TDRD7: variants seen among roughly 807,000 people sequenced by gnomAD.
The protein encoded by TDRD7 is tudor domain-containing protein 7.
In TDRD7, 47 loss-of-function variants were observed where a neutral mutation model predicts 109.8. The ratio of observed to expected loss-of-function variants is 0.43; its 90% confidence interval spans 0.34 to 0.55. The LOEUF is 0.55. Among genes scored for constraint, TDRD7 ranks in the 20% least tolerant of loss-of-function variants. TDRD7 has a pLI of 0.03. For missense variants in TDRD7, 1,164 were observed against 1,319.2 expected, an observed-to-expected ratio of 0.88 and a Z score of 1.82; for synonymous variants, 424 against 457.3, an observed-to-expected ratio of 0.93 and a Z score of 0.93.
At chr9:97,491,448 C>T (rs1829307135) in intron 16 of TDRD7, among the ~76,000 whole-genome samples, 1 of 152,188 alleles carries the variant, frequency 6.6e-6, no homozygotes, top group African/African-American at 2.4e-5. Context: ...CCTTCCATAT[C>T]ACTTGTAGTT....
chr9:97,460,093 T>C, intron 6 of TDRD7, 85 bp from the exon 7 acceptor site: 3 of 1,179,938 alleles, frequency 2.5e-6, no homozygotes, highest in Non-Finnish European at 3.8e-6. Flanking sequence ...ACAGCATGAC[T>C]CTCAAATTTA....
intron 6 of TDRD7, among the ~76,000 whole-genome samples, chr9:97,451,274 T>A (rs1026328103): frequency 6.6e-6 from 1 of 152,084 alleles, no homozygotes; most frequent in African/African-American, 2.4e-5. Context: ...TTTATACATA[T>A]ATCTGCCATA....
At chr9:97,487,898 T>C (rs1308021325) in intron 16 of TDRD7, among the ~76,000 whole-genome samples, 1 of 152,184 alleles carries the variant, frequency 6.6e-6, no homozygotes, top group African/African-American at 2.4e-5. Flanking sequence ...TATTATGCAA[T>C]CTTAAAACAT....
rs138531508 is a variant in TDRD7, at chr9:97,434,873, G to A, written c.563+2635G>A. ...TATTGATACACAGAGCAACTCTGATGGATCTCAAGGGAATCATGCTGAGTG... is the reference window on the plus strand; with the variant it reads ...TATTGATACACAGAGCAACTCTGATAGATCTCAAGGGAATCATGCTGAGTG... On this transcript the variant is annotated intron_variant, in intron 4 of 16. Transcript: ENST00000355295. Among the ~76,000 whole-genome samples the A allele has an allele frequency of 4.1e-3, 625 of 152,284 alleles. 4 individuals are homozygous for A. The highest frequency in any genetic ancestry group is 0.014 in the African/African-American group (594 of 41,552).
chr9:97,470,692 CTCTCTCCAT>C (rs1564209878), intron 9 of TDRD7, 23 bp downstream of exon 9: 1 of 1,578,516 alleles, frequency 6.3e-7, no homozygotes, highest in African/African-American at 1.3e-5. Context: ...TTTTAAAAAA[CTCTCTCCAT>C]TTCAATAGGC....
At chr9:97,479,268 C>T (rs1208184459) in intron 13 of TDRD7, among the ~76,000 whole-genome samples, 1 of 152,196 alleles carries the variant, frequency 6.6e-6, no homozygotes, top group Admixed American at 6.5e-5. Context: ...TGACATGTCT[C>T]TCCCTCCCAT....
chr9:97,452,277 A>G (rs758499148), intron 6 of TDRD7, among the ~76,000 whole-genome samples: 4 of 152,184 alleles, frequency 2.6e-5, no homozygotes, highest in African/African-American at 9.7e-5. Flanking sequence ...TGGACCAGGT[A>G]TTTTTTCCAT....
At chr9:97,414,334 A>G (rs148123055) in intron 1 of TDRD7, among the ~76,000 whole-genome samples, 1,941 of 152,374 alleles carry the variant, frequency 0.013, 27 homozygotes, top group Middle Eastern at 0.037. Context: ...CAAGCTACCC[A>G]GTGTGACTTC....
At chr9:97,490,559 G>T (rs556556147) in intron 16 of TDRD7, among the ~76,000 whole-genome samples, 1 of 137,812 alleles carries the variant, frequency 7.3e-6, no homozygotes, top group Non-Finnish European at 1.6e-5. Flanking sequence ...TGGGGGGGGG[G>T]GCATTTATCT....
chr9:97,450,178 G>A (rs1025072614), intron 6 of TDRD7, among the ~76,000 whole-genome samples: 9 of 152,096 alleles, frequency 5.9e-5, no homozygotes, highest in African/African-American at 2.2e-4. Context: ...GGGTGGGAGT[G>A]TACACATGGT....
intron 1 of TDRD7, among the ~76,000 whole-genome samples, chr9:97,421,161 A>G (rs1372798069): frequency 6.6e-6 from 1 of 151,946 alleles, no homozygotes; most frequent in African/African-American, 2.4e-5. Flanking sequence ...AGAAATTGTC[A>G]AACTATTTTT....
intron 15 of TDRD7, among the ~76,000 whole-genome samples, chr9:97,483,567 C>T (rs1829160060): frequency 2.6e-5 from 4 of 151,776 alleles, no homozygotes; most frequent in Non-Finnish European, 5.9e-5. Context: ...AATTATATAA[C>T]TAAAATGAAT....
At chr9:97,436,003 A>G (rs918531603) in intron 4 of TDRD7, among the ~76,000 whole-genome samples, 2 of 152,174 alleles carry the variant, frequency 1.3e-5, no homozygotes, top group African/African-American at 2.4e-5. Flanking sequence ...ATCTCGTGCC[A>G]GTCAGTAGAT....
intron 6 of TDRD7, among the ~76,000 whole-genome samples, chr9:97,443,743 G>A (rs190165309): frequency 2.0e-5 from 3 of 152,228 alleles, no homozygotes; most frequent in Admixed American, 1.3e-4. Context: ...TTTAAATATA[G>A]GGGATACCTG....
intron 4 of TDRD7, among the ~76,000 whole-genome samples, chr9:97,436,991 C>CTAT (rs1485271344): frequency 2.6e-5 from 4 of 152,184 alleles, no homozygotes; most frequent in African/African-American, 9.6e-5. Flanking sequence ...ACTTCCTCCT[C>CTAT]TATCTCCTAA....
chr9:97,490,068 A>G (rs548624312), intron 16 of TDRD7, among the ~76,000 whole-genome samples: 25 of 152,340 alleles, frequency 1.6e-4, no homozygotes, highest in African/African-American at 6.0e-4. Context: ...AATCAAATAC[A>G]TTGTTGCTAT....
chr9:97,432,058 T>G lies in TDRD7; in HGVS notation c.383T>G (p.Phe128Cys). The G allele has an allele frequency of 1.9e-6, 3 of 1,613,844 alleles. No individual in the cohort carries two copies. Among genetic ancestry groups the G allele is most frequent in the Non-Finnish European group, 2.5e-6 (3 of 1,179,798 alleles). ...KPKATLRQPG[F>C]ASNFSVGKKP... ...AAAGCAACCCTCAGACAACCAGGAT[T>G]TGCTTCAAATTTTTCTGTTGGCAAA... The change falls in exon 4 of 17, where the codon TTT becomes TGT. Residue 128 changes from phenylalanine (F) to cysteine (C), a missense_variant. Physicochemically the swap from Phe to Cys is radical, Grantham distance 205 (BLOSUM62 -2). This residue lies in a region of TDRD7 where 407 missense variants were observed against 394.0 expected (regional missense o/e 1.03). Coordinates refer to ENST00000355295, the MANE Select transcript of TDRD7 (RefSeq NM_014290.3).
intron 16 of TDRD7, among the ~76,000 whole-genome samples, chr9:97,493,379 C>T (rs757832659): frequency 3.5e-4 from 53 of 151,946 alleles, no homozygotes; most frequent in African/African-American, 4.6e-4. Context: ...CCCCCTAAGC[C>T]GTAAAATCAG....
intron 14 of TDRD7, 59 bp downstream of exon 14, chr9:97,480,997 C>T: frequency 6.8e-7 from 1 of 1,471,918 alleles, no homozygotes; most frequent in Middle Eastern, 1.7e-4. Flanking sequence ...TGTCAGGGCT[C>T]ATTTAGTTTT....
Sources: gnomAD v4.1 joint callset for allele counts (sites outside exome capture counted in the v4.1 genomes callset) on GRCh38, gnomAD v4.1.1 for gene constraint, gnomAD v4.1.1 regional missense constraint, MANE v1.5 for transcripts, NCBI Gene and HGNC (gene_info 2026-07-23, HGNC 2026-07-21) for gene names.